DLC1: variants seen among roughly 807,000 people sequenced by gnomAD.
DLC1 encodes the protein DLC1 Rho GTPase activating protein.
In DLC1, 54 loss-of-function variants were observed where a neutral mutation model predicts 140.3. The ratio of observed to expected loss-of-function variants is 0.38; its 90% CI spans 0.31 to 0.48. The LOEUF is 0.48. Among genes scored for constraint, DLC1 ranks in the 20% least tolerant of loss-of-function variants. The pLI is 0.96. For synonymous variants in DLC1, 986 were observed against 728.1 expected, an observed-to-expected ratio of 1.35 and a Z score of -5.70; for missense variants, 2,536 against 1,907.0, an observed-to-expected ratio of 1.33 and a Z score of -6.14.
At chr8:13,477,293 T>C (rs1226242847) in intron 2 of DLC1, among the ~76,000 whole-genome samples, 1 of 152,206 alleles carries the variant, frequency 6.6e-6, no homozygotes, top group Non-Finnish European at 1.5e-5. Flanking sequence ...AAGATGTAGC[T>C]TTGGTAATTT....
chr8:13,386,422 A>T (rs1836523451), intron 4 of DLC1, among the ~76,000 whole-genome samples: 1 of 152,060 alleles, frequency 6.6e-6, no homozygotes, highest in African/African-American at 2.4e-5. Context: ...AGTATTATAT[A>T]TATCAAGATA....
chr8:13,258,915 A>G (rs1357205741), intron 5 of DLC1, among the ~76,000 whole-genome samples: 9 of 152,068 alleles, frequency 5.9e-5, no homozygotes, highest in Non-Finnish European at 7.4e-5. Flanking sequence ...AGGCGGGTGG[A>G]TCACGAGGTC....
intron 1 of DLC1, among the ~76,000 whole-genome samples, chr8:13,501,381 G>T (rs1027261115): frequency 6.6e-6 from 1 of 152,060 alleles, no homozygotes; most frequent in African/African-American, 2.4e-5. Context: ...CCCAAATTTT[G>T]CCCCACAATG....
chr8:13,438,127 A>G (rs973454949), intron 2 of DLC1, among the ~76,000 whole-genome samples: 5 of 151,348 alleles, frequency 3.3e-5, no homozygotes, highest in African/African-American at 1.2e-4. Context: ...CCAGTTGCCC[A>G]TTAGAGAGAT....
At chr8:13,197,250 C>T (rs574594217) in intron 5 of DLC1, among the ~76,000 whole-genome samples, 1 of 152,160 alleles carries the variant, frequency 6.6e-6, no homozygotes, top group Non-Finnish European at 1.5e-5. Context: ...AGAATTATAT[C>T]AACATAATTT....
At chr8:13,153,396 C>G (rs7819945) in intron 5 of DLC1, among the ~76,000 whole-genome samples, 57,488 of 152,044 alleles carry the variant, frequency 0.38, 11,295 homozygotes, top group East Asian at 0.54. Flanking sequence ...TTCACAGTGA[C>G]TGTTACAGCT....
intron 5 of DLC1, among the ~76,000 whole-genome samples, chr8:13,295,685 C>G (rs139795448): frequency 6.6e-6 from 1 of 152,114 alleles, no homozygotes; most frequent in Non-Finnish European, 1.5e-5. Flanking sequence ...AGGGTCAATA[C>G]GAGAAGTATA....
intron 5 of DLC1, among the ~76,000 whole-genome samples, chr8:13,134,412 G>A (rs1822398081): frequency 6.6e-6 from 1 of 152,136 alleles, no homozygotes; most frequent in Non-Finnish European, 1.5e-5. Context: ...TTCCCTCCTG[G>A]AGGTTACTTT....
intron 2 of DLC1, among the ~76,000 whole-genome samples, chr8:13,433,656 ATATCT>A (rs1838985135): frequency 1.3e-5 from 2 of 152,354 alleles, no homozygotes; most frequent in East Asian, 3.9e-4. Context: ...AGGTAGGCTG[ATATCT>A]TTAATTATGT....
At chr8:13,454,271 A>C (rs1225232310) in intron 2 of DLC1, among the ~76,000 whole-genome samples, 1 of 152,174 alleles carries the variant, frequency 6.6e-6, no homozygotes, top group African/African-American at 2.4e-5. Context: ...ACCAGCATGA[A>C]ATATGAGAAA....
At chr8:13,551,656 G>A (rs1264583212) in intron 1 of DLC1, among the ~76,000 whole-genome samples, 1 of 151,808 alleles carries the variant, frequency 6.6e-6, no homozygotes, top group Non-Finnish European at 1.5e-5. Flanking sequence ...AATGATTGAA[G>A]GTGAGACATC....
At chr8:13,152,793 G>C (rs914751399) in intron 5 of DLC1, among the ~76,000 whole-genome samples, 4 of 119,144 alleles carry the variant, frequency 3.4e-5, no homozygotes, top group African/African-American at 1.3e-4. Flanking sequence ...CTCTAGCCTG[G>C]GTGACAGACT....
chr8:13,554,936 A>C (rs541726477), intron 1 of DLC1, among the ~76,000 whole-genome samples: 6 of 152,340 alleles, frequency 3.9e-5, no homozygotes, highest in Admixed American at 1.3e-4. Context: ...ATTCTCTGCT[A>C]TTAACCTCCA....
At chr8:13,189,753 A>G (rs1225510365) in intron 5 of DLC1, among the ~76,000 whole-genome samples, 2 of 152,050 alleles carry the variant, frequency 1.3e-5, no homozygotes, top group Non-Finnish European at 2.9e-5. Context: ...GTGGTGGTAC[A>G]TGCCTGTAGT....
chr8:13,455,601 C>T lies in DLC1; in HGVS notation c.1023+43448G>A, dbSNP rs141413943. Among the ~76,000 whole-genome samples, 294 of 152,296 alleles carry T rather than the reference C, an allele frequency of 1.9e-3. 2 individuals are homozygous for T. The highest frequency in any genetic ancestry group is 6.7e-3 in the African/African-American group (280 of 41,576). On this transcript the variant is annotated intron_variant, in intron 2 of 17. Coordinates refer to ENST00000276297, the MANE Select transcript of DLC1 (RefSeq NM_182643.3). ...CCCTTATCTCTTTCAGTCTTTTCTC[C>T]AAAATCACCTTCTCAGTGAATTCTT...
intron 1 of DLC1, among the ~76,000 whole-genome samples, chr8:13,575,906 TA>T (rs1371779681): frequency 2.0e-5 from 3 of 152,198 alleles, no homozygotes; most frequent in African/African-American, 7.2e-5. Context: ...AACCTTAACA[TA>T]TTTTGAGTAT....
At chr8:13,216,351 C>T (rs906293220) in intron 5 of DLC1, among the ~76,000 whole-genome samples, 1 of 152,100 alleles carries the variant, frequency 6.6e-6, no homozygotes, top group African/African-American at 2.4e-5. Context: ...TCAAAGCCAC[C>T]CAGCTGCCAG....
At chr8:13,393,770 T>C in intron 3 of DLC1, 77 bp from the exon 4 acceptor site, 2 of 1,523,830 alleles carry the variant, frequency 1.3e-6, no homozygotes, top group East Asian at 4.5e-5. Flanking sequence ...ACCAGAACTT[T>C]GTCACTTCTT....
chr8:13,100,266 C>T lies in DLC1; in HGVS notation c.2071G>A (p.Gly691Arg), dbSNP rs1563595056. ...HSKHKAPSKLGLIISGPILQE... is the reference protein window; with the variant it reads ...HSKHKAPSKLRLIISGPILQE... ...AAGATGGGCCCGCTGATGATCAACC[C>T]CAGCTTTGAGGGCGCTTTGTGCTTG... is the stretch of plus-strand genomic sequence containing the variant. The change falls in exon 9 of 18, where the codon GGG (glycine) becomes AGG (arginine). Residue 691 changes from glycine (G) to arginine (R), a missense_variant. Gly to Arg is a moderately radical substitution (Grantham distance 125). Transcript: ENST00000276297. 1 of 1,614,036 alleles carries T rather than the reference C, an allele frequency of 6.2e-7. No homozygotes were observed. The highest frequency in any genetic ancestry group is 1.3e-5 in the African/African-American group (1 of 74,936).
Sources: allele counts gnomAD v4.1 joint callset (sites outside exome capture counted in the v4.1 genomes callset), GRCh38; gene constraint gnomAD v4.1.1; transcripts MANE v1.5; gene names NCBI Gene and HGNC (gene_info 2026-07-23, HGNC 2026-07-21).